The following TRPS1 variants were observed in gnomAD, a reference collection of about 807,000 sequenced individuals.
The protein encoded by TRPS1 is transcriptional repressor GATA binding 1.
Under a neutral mutation model 101.2 loss-of-function variants are expected in TRPS1, and 6 were observed. That is an observed-to-expected ratio of 0.06 (90% CI 0.03 to 0.12). The LOEUF is 0.12. Ranked by LOEUF, TRPS1 falls within the 10% of genes least tolerant of loss-of-function variation. The probability of loss-of-function intolerance (pLI) is 1.00; values close to 1 mark genes in which losing one functional copy is unlikely to be tolerated. For missense variants in TRPS1, 1,363 were observed against 1,567.0 expected (o/e 0.87, Z 2.20); for synonymous variants, 578 against 589.8 (o/e 0.98, Z 0.29).
At chr8:115,507,497 A>T (rs1356365794) in intron 5 of TRPS1, among the ~76,000 whole-genome samples, 2 of 151,914 alleles carry the variant, frequency 1.3e-5, no homozygotes, top group African/African-American at 4.8e-5. Flanking sequence ...CATGGAATCA[A>T]TATGTGAGCC....
At chr8:115,498,411 CTCTCTA>C (rs1175434711) in intron 5 of TRPS1, among the ~76,000 whole-genome samples, 47 of 72,668 alleles carry the variant, frequency 6.5e-4, no homozygotes, top group African/African-American at 1.7e-3. Flanking sequence ...CTCTCTCTCT[CTCTCTA>C]TATATATATA....
At chr8:115,434,068 A>C (rs1425313132) in intron 5 of TRPS1, among the ~76,000 whole-genome samples, 1 of 136 alleles carries the variant, frequency 7.4e-3, no homozygotes. Flanking sequence ...GAATATGCAA[A>C]AGGCCATACG....
chr8:115,521,434 T>C (rs1220145953), intron 5 of TRPS1, among the ~76,000 whole-genome samples: 1 of 151,922 alleles, frequency 6.6e-6, no homozygotes, highest in Non-Finnish European at 1.5e-5. Context: ...TTTGTGTTTG[T>C]TTACTCTTGA....
rs78472570 is a variant in TRPS1 at position 115,587,216 on chromosome 8, G to A, written c.2485C>T (p.Pro829Ser). The part of the protein sequence containing the change: ...YTQASLGLLT[P>S]VSGTQEQTKT... ...GTCTGCTCTTGGGTGCCAGACACAG[G>A]CGTCAGCAGCCCCAGGCTTGCTTGG... Residue 829 changes from proline (P) to serine (S), a missense_variant, in exon 5 of 7, where the codon CCT becomes TCT. Pro to Ser is a moderately conservative substitution (Grantham distance 74). Transcript: ENST00000395715. 4 of 1,614,098 alleles carry A rather than the reference G, an allele frequency of 2.5e-6. No individual in the cohort carries two copies. The East Asian group carries it at 8.9e-5, about 36-fold the overall frequency.
chr8:115,587,050 G>C lies in TRPS1; in HGVS notation c.2651C>G (p.Pro884Arg). Residue 884 changes from proline (P) to arginine (R), a missense_variant, in exon 5 of 7, where the codon CCT becomes CGT. Transcript: ENST00000395715. The part of the protein sequence containing the change: ...EKSGALPQQY[P>R]ASGENKSKDE... ...CTTGGACTTGTTTTCTCCCGATGCA[G>C]GATACTGCTGGGGGAGGGCCCCAGA... 1.2e-6 allele frequency: 2 copies of C among 1,614,170 alleles called. No individual in the cohort carries two copies.
chr8:115,547,429 G>A (rs1816601542), intron 5 of TRPS1, among the ~76,000 whole-genome samples: 1 of 152,154 alleles, frequency 6.6e-6, no homozygotes, highest in Admixed American at 6.5e-5. Flanking sequence ...AGTGAAGCAT[G>A]GGGTTTAAGC....
intron 5 of TRPS1, among the ~76,000 whole-genome samples, chr8:115,563,367 C>A (rs191248060): frequency 2.6e-5 from 4 of 152,140 alleles, no homozygotes; most frequent in African/African-American, 9.6e-5. Context: ...ACACCCTGCA[C>A]AAAAGGCTAA....
At chr8:115,439,943 T>G (rs146196333) in intron 5 of TRPS1, among the ~76,000 whole-genome samples, 5 of 152,232 alleles carry the variant, frequency 3.3e-5, no homozygotes, top group Admixed American at 1.3e-4. Flanking sequence ...AATTGTGTTA[T>G]GGGCTGCACT....
intron 3 of TRPS1, among the ~76,000 whole-genome samples, chr8:115,617,599 G>A (rs1420042786): frequency 2.0e-5 from 3 of 152,202 alleles, no homozygotes; most frequent in East Asian, 1.9e-4. Context: ...AACGCCTGCC[G>A]GAAATCCAGG....
At chr8:115,438,142 A>G (rs1035970362) in intron 5 of TRPS1, among the ~76,000 whole-genome samples, 3 of 152,358 alleles carry the variant, frequency 2.0e-5, no homozygotes, top group Admixed American at 2.0e-4. Context: ...CTAGTACCAT[A>G]TAGTTTTATA....
intron 5 of TRPS1, among the ~76,000 whole-genome samples, chr8:115,583,684 C>T (rs1241234901): frequency 6.6e-6 from 1 of 151,842 alleles, no homozygotes; most frequent in Non-Finnish European, 1.5e-5. Flanking sequence ...CCTAGTTTTC[C>T]TAGAGCAATT....
intron 5 of TRPS1, among the ~76,000 whole-genome samples, chr8:115,502,168 A>G (rs972598970): frequency 7.2e-5 from 11 of 152,050 alleles, no homozygotes; most frequent in African/African-American, 2.4e-4. Flanking sequence ...TTTTTTTCTT[A>G]ACAGAACAAA....
chr8:115,661,662 A>T (rs1211681714), intron 1 of TRPS1: 1 of 152,044 alleles, frequency 6.6e-6, no homozygotes, highest in African/African-American at 2.4e-5. Flanking sequence ...CTTGGAGCAG[A>T]AGTAGTGCAG....
chr8:115,606,208 A>G (rs1818034602), intron 3 of TRPS1, among the ~76,000 whole-genome samples: 1 of 152,150 alleles, frequency 6.6e-6, no homozygotes, highest in Admixed American at 6.6e-5. Context: ...AAATGCAAAT[A>G]ATATTGCTGT....
intron 1 of TRPS1, among the ~76,000 whole-genome samples, chr8:115,628,261 A>T (rs376382819): frequency 1.3e-5 from 2 of 151,854 alleles, no homozygotes; most frequent in East Asian, 3.8e-4. Context: ...ACAACCATAG[A>T]CATATCCAAC....
intron 5 of TRPS1, among the ~76,000 whole-genome samples, chr8:115,534,554 A>G (rs1816235036): frequency 6.6e-6 from 1 of 152,250 alleles, no homozygotes; most frequent in Non-Finnish European, 1.5e-5. Context: ...TTGGGGAGCA[A>G]CATTCAGTCA....
At chr8:115,498,395 C>CTG (rs1815207090) in intron 5 of TRPS1, among the ~76,000 whole-genome samples, 2 of 78,922 alleles carry the variant, frequency 2.5e-5, no homozygotes, top group Non-Finnish European at 4.7e-5. Context: ...CTCTCTCTCT[C>CTG]TCTCTCTCTC....
chr8:115,624,152 A>G (rs78294483), intron 1 of TRPS1, among the ~76,000 whole-genome samples: 1 of 20,900 alleles, frequency 4.8e-5, no homozygotes, highest in Non-Finnish European at 9.5e-5. Flanking sequence ...AATCACAACA[A>G]TGAACACAGT....
chr8:115,630,386 C>T (rs1404145815), intron 1 of TRPS1, among the ~76,000 whole-genome samples: 3 of 151,978 alleles, frequency 2.0e-5, no homozygotes, highest in Non-Finnish European at 2.9e-5. Flanking sequence ...CACACACACA[C>T]ACCTTTAGAA....
Sources: allele counts gnomAD v4.1 joint callset (sites outside exome capture counted in the v4.1 genomes callset), GRCh38; gene constraint gnomAD v4.1.1; transcripts MANE v1.5; gene names NCBI Gene and HGNC (gene_info 2026-07-23, HGNC 2026-07-21).